CDC42BPA: variants seen among roughly 807,000 people sequenced by gnomAD.
The protein encoded by CDC42BPA is CDC42 binding protein kinase alpha, also known as serine/threonine-protein kinase MRCK alpha.
Under a neutral mutation model 223.5 loss-of-function variants are expected in CDC42BPA, and 80 were observed. The ratio of observed to expected loss-of-function variants is 0.36; its 90% CI spans 0.30 to 0.43. The LOEUF is 0.43. Among genes scored for constraint, CDC42BPA ranks in the 20% least tolerant of loss-of-function variants. The probability of loss-of-function intolerance (pLI) is 1.00; values close to 1 mark genes in which losing one functional copy is unlikely to be tolerated. For missense variants in CDC42BPA, 1,743 were observed against 2,099.9 expected (o/e 0.83, Z 3.32); for synonymous variants, 694 against 718.6 (o/e 0.97, Z 0.55).
intron 9 of CDC42BPA, among the ~76,000 whole-genome samples, chr1:227,142,325 GAATT>G (rs1295195027): frequency 6.6e-6 from 1 of 152,088 alleles, no homozygotes; most frequent in African/African-American, 2.4e-5. Flanking sequence ...AAGGATGGTA[GAATT>G]AATGGGTTGA....
intron 29 of CDC42BPA, 102 bp downstream of exon 29, chr1:227,030,306 T>C (rs973663350): frequency 5.7e-6 from 4 of 705,746 alleles, no homozygotes; most frequent in African/African-American, 5.6e-5. Flanking sequence ...AGTCGCAGGA[T>C]AAATAAGAGC....
intron 5 of CDC42BPA, among the ~76,000 whole-genome samples, chr1:227,188,625 C>T (rs1344153357): frequency 6.6e-6 from 1 of 152,072 alleles, no homozygotes; most frequent in Non-Finnish European, 1.5e-5. Context: ...ACGATTCCAA[C>T]TATATGATAT....
At chr1:227,103,806 ACTC>A (rs1234758159) in intron 14 of CDC42BPA, among the ~76,000 whole-genome samples, 3 of 152,022 alleles carry the variant, frequency 2.0e-5, no homozygotes, top group African/African-American at 7.2e-5. Flanking sequence ...AGCAAAACAA[ACTC>A]CTAATAGATT....
At chr1:227,267,060 G>T (rs1200384140) in intron 1 of CDC42BPA, among the ~76,000 whole-genome samples, 1 of 152,006 alleles carries the variant, frequency 6.6e-6, no homozygotes, top group Non-Finnish European at 1.5e-5. Context: ...GTCTATAGAA[G>T]GATATTATAA....
chr1:227,029,815 TA>T (rs1215231422), intron 29 of CDC42BPA, among the ~76,000 whole-genome samples: 1 of 152,184 alleles, frequency 6.6e-6, no homozygotes, highest in East Asian at 1.9e-4. Flanking sequence ...AAGTTGTATA[TA>T]TTTTTTTTCA....
At chr1:227,253,217 G>C (rs1378467763) in intron 2 of CDC42BPA, among the ~76,000 whole-genome samples, 1 of 151,538 alleles carries the variant, frequency 6.6e-6, no homozygotes, top group African/African-American at 2.4e-5. Context: ...AGAGAGAGGA[G>C]AGAGAGAGGA....
intron 1 of CDC42BPA, among the ~76,000 whole-genome samples, chr1:227,260,292 T>C (rs965991459): frequency 3.3e-5 from 5 of 151,060 alleles, no homozygotes; most frequent in Non-Finnish European, 7.3e-5. Context: ...TCTATGTGAG[T>C]TCCTAAAACA....
intron 1 of CDC42BPA, among the ~76,000 whole-genome samples, chr1:227,270,781 T>C (rs1176880642): frequency 6.6e-6 from 1 of 152,114 alleles, no homozygotes; most frequent in African/African-American, 2.4e-5. Flanking sequence ...TAACCACTAA[T>C]CTACATTCTG....
chr1:227,021,335 C>T (rs1368498444), intron 32 of CDC42BPA, among the ~76,000 whole-genome samples: 1 of 152,126 alleles, frequency 6.6e-6, no homozygotes, highest in African/African-American at 2.4e-5. Flanking sequence ...GGGGGTATGC[C>T]TGTATAAAAC....
intron 6 of CDC42BPA, among the ~76,000 whole-genome samples, chr1:227,160,029 C>A (rs2149798709): frequency 6.6e-6 from 1 of 152,216 alleles, no homozygotes; most frequent in Middle Eastern, 3.4e-3. Flanking sequence ...CAAAAAAAAC[C>A]AACTGACGGG....
chr1:227,008,002 C>T (rs1304959300), intron 34 of CDC42BPA, among the ~76,000 whole-genome samples: 1 of 152,206 alleles, frequency 6.6e-6, no homozygotes, highest in Non-Finnish European at 1.5e-5. Flanking sequence ...TTTGGGCTGA[C>T]AGTTCAGTTT....
intron 1 of CDC42BPA, among the ~76,000 whole-genome samples, chr1:227,255,667 A>C (rs943563330): frequency 6.6e-6 from 1 of 152,216 alleles, no homozygotes; most frequent in African/African-American, 2.4e-5. Context: ...AAAAGCAGTA[A>C]TAAAAGAATT....
chr1:227,153,328 A>T (rs12097121), intron 6 of CDC42BPA, among the ~76,000 whole-genome samples: 25,785 of 151,896 alleles, frequency 0.17, 2,235 homozygotes, highest in Middle Eastern at 0.2. Flanking sequence ...TGCCAAAAAA[A>T]TCTGATACCA....
chr1:227,151,493 C>T (rs1245749236), intron 6 of CDC42BPA, among the ~76,000 whole-genome samples: 1 of 152,084 alleles, frequency 6.6e-6, no homozygotes, highest in Non-Finnish European at 1.5e-5. Context: ...TGGGTATATA[C>T]CCAGAGGAGG....
chr1:227,215,239 A>G (rs1674620152), intron 2 of CDC42BPA, among the ~76,000 whole-genome samples: 1 of 152,172 alleles, frequency 6.6e-6, no homozygotes, highest in South Asian at 2.1e-4. Flanking sequence ...TATTTATTGA[A>G]CACTCAAACA....
chr1:227,085,550 T>C (rs72748174), intron 16 of CDC42BPA, among the ~76,000 whole-genome samples: 25,278 of 152,212 alleles, frequency 0.17, 2,262 homozygotes, highest in Non-Finnish European at 0.19. Flanking sequence ...TGTGCAGAGA[T>C]AGGCAATTTT....
At chr1:227,254,340 C>A (rs1457503359) in intron 1 of CDC42BPA, among the ~76,000 whole-genome samples, 185 bp from the exon 2 acceptor site, 2 of 152,032 alleles carry the variant, frequency 1.3e-5, no homozygotes, top group East Asian at 1.9e-4. Context: ...AATATATTTT[C>A]TTTTATTTCT....
intron 9 of CDC42BPA, among the ~76,000 whole-genome samples, chr1:227,142,377 C>T (rs1306196730): frequency 5.9e-5 from 9 of 152,056 alleles, no homozygotes; most frequent in African/African-American, 2.2e-4. Context: ...TATTCAACAG[C>T]GTGAAACTCT....
intron 12 of CDC42BPA, among the ~76,000 whole-genome samples, chr1:227,119,073 A>G (rs558571721): frequency 1.3e-5 from 2 of 152,234 alleles, no homozygotes; most frequent in East Asian, 3.9e-4. Context: ...AGTGCATTAT[A>G]TTAATATATT....
Sources: gnomAD v4.1 joint callset for allele counts (sites outside exome capture counted in the v4.1 genomes callset) on GRCh38, gnomAD v4.1.1 for gene constraint, MANE v1.5 for transcripts, NCBI Gene and HGNC (gene_info 2026-07-23, HGNC 2026-07-21) for gene names.